Variants in NRXN1 observed in about 807,000 individuals in gnomAD.
NRXN1 encodes neurexin 1.
NRXN1 carries 39 observed loss-of-function variants against 150.9 expected under a neutral mutation model. The ratio of observed to expected loss-of-function variants is 0.26; its 90% CI spans 0.20 to 0.34. NRXN1 has a LOEUF of 0.34. Among genes scored for constraint, NRXN1 ranks in the 10% least tolerant of loss-of-function variants. NRXN1 has a pLI of 1.00. For missense variants in NRXN1, 1,815 were observed against 1,949.9 expected, an observed-to-expected ratio of 0.93 and a Z score of 1.30; for synonymous variants, 924 against 757.0, an observed-to-expected ratio of 1.22 and a Z score of -3.62.
intron 17 of NRXN1, among the ~76,000 whole-genome samples, chr2:50,364,897 C>T (rs1327639553): frequency 6.6e-6 from 1 of 151,942 alleles, no homozygotes; most frequent in Non-Finnish European, 1.5e-5. Flanking sequence ...CATAAACAGT[C>T]TCTAGGGAAA....
In NRXN1 at chr2:50,474,328, G is replaced by C. The variant is rs573308574; in HGVS notation, c.3071-1857C>G. Among the ~76,000 whole-genome samples the C allele has an allele frequency of 4.0e-5, 6 of 151,846 alleles. No individual in the cohort carries two copies. The South Asian group carries it at 1.2e-3, about 32-fold the overall frequency. On this transcript the variant is annotated intron_variant, in intron 15 of 22. Transcript: ENST00000401669. ...TCGAGGAATGAAATAGAATACATTGGAGTTTACATAAGAAAAGTAAAGCTT... is the reference window on the plus strand; with the variant it reads ...TCGAGGAATGAAATAGAATACATTGCAGTTTACATAAGAAAAGTAAAGCTT...
chr2:50,635,912 T>TC (rs1683175615), intron 5 of NRXN1, among the ~76,000 whole-genome samples: 1 of 152,178 alleles, frequency 6.6e-6, no homozygotes, highest in Admixed American at 6.5e-5. Flanking sequence ...AAGGTTCTAA[T>TC]CAACAATTCT....
intron 17 of NRXN1, among the ~76,000 whole-genome samples, chr2:50,400,689 A>C (rs2082335910): frequency 6.6e-6 from 1 of 152,162 alleles, no homozygotes. Context: ...TTCTGCTCAA[A>C]ATCTGTAAAC....
At chr2:50,565,013 C>T (rs1031952709) in intron 8 of NRXN1, among the ~76,000 whole-genome samples, 2 of 152,116 alleles carry the variant, frequency 1.3e-5, no homozygotes, top group Non-Finnish European at 2.9e-5. Context: ...GCTCAATCAG[C>T]TCCCAGGCAG....
At position 50,263,129 on chromosome 2, in the gene NRXN1, A is replaced by T. The variant is rs115532176; in HGVS notation, c.3365-26159T>A. ...TTGGAGACTACATGGCAAGGTGATG[A>T]TCATTTTTACCAAGAGGAAAACACA... is the stretch of plus-strand genomic sequence containing the variant. On this transcript the variant is annotated intron_variant, in intron 17 of 22. Transcript: ENST00000401669. 8.5e-3 allele frequency among the ~76,000 whole-genome samples: 1,288 copies of T among 151,024 alleles called. 21 individuals are homozygous for T. Among genetic ancestry groups the T allele is most frequent in the African/African-American group, 0.03 (1,243 of 41,128 alleles).
intron 17 of NRXN1, among the ~76,000 whole-genome samples, chr2:50,394,732 C>T (rs2081955715): frequency 6.6e-6 from 1 of 152,008 alleles, no homozygotes; most frequent in Non-Finnish European, 1.5e-5. Context: ...ATCAAATGTT[C>T]CCAGTGGCTT....
At chr2:50,112,760 C>CA (rs1162604397) in intron 18 of NRXN1, among the ~76,000 whole-genome samples, 2 of 151,692 alleles carry the variant, frequency 1.3e-5, no homozygotes, top group African/African-American at 4.8e-5. Context: ...ATACCTGCCT[C>CA]AGAGGTCAAG....
chr2:50,852,541 T>C (rs937911215), intron 5 of NRXN1, among the ~76,000 whole-genome samples: 3 of 152,184 alleles, frequency 2.0e-5, no homozygotes, highest in African/African-American at 7.2e-5. Flanking sequence ...TGGTACAAGA[T>C]CTTTAACAAC....
chr2:50,078,383 A>AAG, intron 19 of NRXN1, among the ~76,000 whole-genome samples: 1 of 152,022 alleles, frequency 6.6e-6, no homozygotes, highest in Non-Finnish European at 1.5e-5. Flanking sequence ...TCAAAAAAAA[A>AAG]AATCTTATAG....
intron 5 of NRXN1, among the ~76,000 whole-genome samples, chr2:50,778,881 T>C (rs1000279359): frequency 6.6e-6 from 1 of 152,184 alleles, no homozygotes; most frequent in Non-Finnish European, 1.5e-5. Context: ...AAACATTTAC[T>C]ATACATGTAA....
At chr2:50,680,387 T>C (rs1302265982) in intron 5 of NRXN1, among the ~76,000 whole-genome samples, 1 of 152,090 alleles carries the variant, frequency 6.6e-6, no homozygotes. Flanking sequence ...GACTTAGCTT[T>C]AAAATTAAAA....
chr2:50,720,230 G>A (rs1198106826), intron 5 of NRXN1, among the ~76,000 whole-genome samples: 1 of 151,934 alleles, frequency 6.6e-6, no homozygotes, highest in Non-Finnish European at 1.5e-5. Flanking sequence ...AACCTTGGAG[G>A]AGTTACAATG....
intron 17 of NRXN1, among the ~76,000 whole-genome samples, chr2:50,355,573 T>C (rs1269144991): frequency 6.6e-6 from 1 of 152,160 alleles, no homozygotes; most frequent in East Asian, 1.9e-4. Context: ...TTGTTGTTTT[T>C]ACTTTGACAT....
In NRXN1 at chr2:50,585,987, C is replaced by T. The variant is rs1218331033; in HGVS notation, c.1321-32962G>A. On this transcript the variant is annotated intron_variant, in intron 8 of 22. Coordinates refer to ENST00000401669, the MANE Select transcript of NRXN1 (RefSeq NM_001330078.2). ...TACTGAGCAGAGCCACACAGATTTT[C>T]TTTCTTCTGGAGAAAATGGGCTGGT... Among the ~76,000 whole-genome samples the T allele has an allele frequency of 2.0e-5, 3 of 152,182 alleles. No homozygotes were observed. In the South Asian group the frequency reaches 6.2e-4, roughly 31 times the overall value.
At chr2:49,961,837 T>C (rs1346532615) in intron 21 of NRXN1, among the ~76,000 whole-genome samples, 5 of 152,204 alleles carry the variant, frequency 3.3e-5, no homozygotes, top group Non-Finnish European at 7.3e-5. Context: ...GATCAAATTA[T>C]ATGGTGTGAC....
intron 18 of NRXN1, among the ~76,000 whole-genome samples, chr2:50,211,641 T>C: frequency 6.6e-6 from 1 of 151,696 alleles, no homozygotes; most frequent in East Asian, 1.9e-4. Context: ...TGAAACCTAA[T>C]ATTATATACT....
At chr2:50,980,699 T>C (rs1270180202) in intron 2 of NRXN1, among the ~76,000 whole-genome samples, 2 of 152,132 alleles carry the variant, frequency 1.3e-5, no homozygotes, top group Non-Finnish European at 2.9e-5. Context: ...GATGCTAATG[T>C]AATTTGTTAA....
intron 2 of NRXN1, among the ~76,000 whole-genome samples, chr2:50,970,265 G>A (rs1454761497): frequency 6.6e-6 from 1 of 152,078 alleles, no homozygotes; most frequent in African/African-American, 2.4e-5. Context: ...CTAGCCTTAA[G>A]GAGAATGGAA....
At chr2:50,793,218 G>A (rs995834552) in intron 5 of NRXN1, among the ~76,000 whole-genome samples, 2 of 152,090 alleles carry the variant, frequency 1.3e-5, no homozygotes, top group African/African-American at 4.8e-5. Flanking sequence ...TAAGAGTAAT[G>A]TTAGATGAAA....
Sources: gnomAD v4.1 joint callset for allele counts (sites outside exome capture counted in the v4.1 genomes callset) on GRCh38, gnomAD v4.1.1 for gene constraint, MANE v1.5 for transcripts, NCBI Gene and HGNC (gene_info 2026-07-23, HGNC 2026-07-21) for gene names.